The following ART3 variants were observed in gnomAD, a reference collection of about 807,000 sequenced individuals.
ART3 encodes ADP-ribosyltransferase 3 (inactive).
ART3 carries 49 observed loss-of-function variants against 48.5 expected under a neutral mutation model. The ratio of observed to expected loss-of-function variants is 1.01; its 90% CI spans 0.80 to 1.28. The LOEUF (loss-of-function observed/expected upper bound fraction) is 1.28, where lower values mean the gene tolerates loss of function less well. ART3 is among the 50% of genes most tolerant of loss of function. The pLI is 0.00. For missense variants in ART3, 438 were observed against 454.3 expected, an observed-to-expected ratio of 0.96 and a Z score of 0.33; for synonymous variants, 145 against 157.2, an observed-to-expected ratio of 0.92 and a Z score of 0.58.
At chr4:76,081,634 A>G (rs746788417) in intron 2 of ART3, among the ~76,000 whole-genome samples, 190 bp from the exon 3 acceptor site, 8 of 152,196 alleles carry the variant, frequency 5.3e-5, no homozygotes, top group Non-Finnish European at 4.4e-5. Context: ...TTTCACACAA[A>G]TATGGCACAG....
At chr4:76,110,587 A>G (rs932585260) in intron 11 of ART3, among the ~76,000 whole-genome samples, 4 of 152,194 alleles carry the variant, frequency 2.6e-5, no homozygotes, top group African/African-American at 9.7e-5. Context: ...TGCTAAAAAA[A>G]AATGCTAGAG....
At chr4:76,033,502 A>G (rs1023680942) in intron 1 of ART3, among the ~76,000 whole-genome samples, 2 of 152,202 alleles carry the variant, frequency 1.3e-5, no homozygotes, top group African/African-American at 4.8e-5. Flanking sequence ...TCTCCAAGTA[A>G]GAAGGGGGTT....
intron 3 of ART3, among the ~76,000 whole-genome samples, chr4:76,093,869 A>G (rs1256796053): frequency 1.3e-5 from 2 of 152,182 alleles, no homozygotes; most frequent in Non-Finnish European, 2.9e-5. Flanking sequence ...TAGTAATGAC[A>G]TACACTACTG....
intron 3 of ART3, among the ~76,000 whole-genome samples, chr4:76,096,688 G>T (rs370511202): frequency 3.3e-5 from 5 of 152,294 alleles, no homozygotes; most frequent in African/African-American, 1.2e-4. Context: ...AGTCTCAGGG[G>T]AATCACTGCA....
At chr4:76,080,984 A>G (rs1334439510) in intron 2 of ART3, among the ~76,000 whole-genome samples, 1 of 152,186 alleles carries the variant, frequency 6.6e-6, no homozygotes, top group East Asian at 1.9e-4. Flanking sequence ...GTATATGTAT[A>G]ATTTAGTTGT....
chr4:76,039,753 AC>A (rs1734770791), intron 1 of ART3, among the ~76,000 whole-genome samples: 1 of 152,200 alleles, frequency 6.6e-6, no homozygotes, highest in African/African-American at 2.4e-5. Flanking sequence ...TTTTAAAAAG[AC>A]CCTGGAAATT....
chr4:76,087,229 GA>G (rs1368036138), intron 3 of ART3, among the ~76,000 whole-genome samples: 2 of 152,172 alleles, frequency 1.3e-5, no homozygotes, highest in African/African-American at 4.8e-5. Flanking sequence ...GATTGATTCT[GA>G]AAATGCCAGA....
Position 76,098,946 on chromosome 4 carries a change from G to C in ART3, c.815-9G>C, listed in dbSNP as rs772832903. 6.2e-7 allele frequency: 1 copy of C among 1,600,834 alleles called. No individual in the cohort carries two copies. Among genetic ancestry groups the C allele is most frequent in the Non-Finnish European group, 8.6e-7 (1 of 1,168,028 alleles). On this transcript the variant is annotated splice_polypyrimidine_tract_variant and intron_variant, in intron 4 of 11. Transcript: ENST00000355810. ...AGTACCATGTAATGAAAACATGTCT[G>C]TATTTCAGAATATTTTCAACCCATC...
chr4:76,104,768 G>A, intron 10 of ART3, 139 bp downstream of exon 10: 2 of 1,105,244 alleles, frequency 1.8e-6, no homozygotes, highest in South Asian at 1.6e-5. Context: ...GTACATGACA[G>A]GAATATTTGT....
chr4:76,045,224 G>A lies in ART3; in HGVS notation c.-9-30657G>A, dbSNP rs539906271. On this transcript the variant is annotated intron_variant, in intron 1 of 9. Transcript: ENST00000341029. ...AAGGGGACTTCTAAGAGATCATCTC[G>A]GGCGGCATAAGTCTGGACTATAATT... Among the ~76,000 whole-genome samples the A allele has an allele frequency of 6.2e-3, 945 of 152,064 alleles. 15 individuals carry two copies. The highest frequency in any genetic ancestry group is 0.01 in the Middle Eastern group (3 of 294).
intron 1 of ART3, chr4:76,035,200 C>T (rs777235812): frequency 2.5e-6 from 4 of 1,614,040 alleles, no homozygotes; most frequent in African/African-American, 1.3e-5. Flanking sequence ...TCATCTTCAG[C>T]AAGTTCATTA....
At chr4:76,085,936 G>C (rs188863333) in intron 3 of ART3, among the ~76,000 whole-genome samples, 1 of 152,078 alleles carries the variant, frequency 6.6e-6, no homozygotes, top group Non-Finnish European at 1.5e-5. Context: ...GCCAGGCGTG[G>C]TGCCACGTGC....
In ART3 at chr4:76,112,386, C is replaced by T; in HGVS notation, c.1037C>T (p.Thr346Ile). ...DKSQGNINNP[T>I]PGPVPVPGPK... ...AGTGACTGTGTATTCTTGTTAACAG[C>T]TCCAGGTCCAGTTCCTGTTCCAGGT... Residue 346 changes from threonine to isoleucine, a missense_variant and splice_region_variant, in exon 12 of 12, where the codon ACT becomes ATT. Coordinates refer to ENST00000355810, the MANE Select transcript of ART3 (RefSeq NM_001130016.3). 6.2e-7 allele frequency: 1 copy of T among 1,613,124 alleles called. No homozygotes were observed. Among genetic ancestry groups the T allele is most frequent in the South Asian group, 1.1e-5 (1 of 90,860 alleles).
intron 1 of ART3, among the ~76,000 whole-genome samples, chr4:76,046,045 G>A (rs531041154): frequency 6.6e-6 from 1 of 152,076 alleles, no homozygotes; most frequent in African/African-American, 2.4e-5. Context: ...GCTGGCACGA[G>A]GCTTCCAAAC....
chr4:76,050,789 T>C (rs973250768), intron 1 of ART3, among the ~76,000 whole-genome samples: 7 of 152,182 alleles, frequency 4.6e-5, no homozygotes, highest in African/African-American at 1.4e-4. Flanking sequence ...CTGCAGGTCC[T>C]GAGCCCTGCC....
intron 1 of ART3, chr4:76,022,794 G>T (rs11548618): frequency 2.5e-6 from 4 of 1,611,540 alleles, no homozygotes; most frequent in Non-Finnish European, 3.4e-6. Context: ...CAGGTACAGC[G>T]TACAGTTCTA....
intron 1 of ART3, chr4:76,036,898 C>T: frequency 4.7e-6 from 1 of 214,328 alleles, no homozygotes; most frequent in Admixed American, 4.8e-5. Flanking sequence ...TAACTCCATG[C>T]CACGCCACTC....
At chr4:76,036,053 G>T in intron 1 of ART3, 1 of 1,468,404 alleles carries the variant, frequency 6.8e-7, no homozygotes, top group Non-Finnish European at 9.5e-7. Flanking sequence ...CTTCTTGGAA[G>T]GAGTAGAAAT....
intron 2 of ART3, 25 bp from the exon 3 acceptor site, chr4:76,081,799 G>A (rs4267761): frequency 0.087 from 136,535 of 1,577,668 alleles, 6,964 homozygotes; most frequent in Admixed American, 0.17. Flanking sequence ...TATTTCAAGA[G>A]TATTAATTTC....
Sources: gnomAD v4.1 joint callset for allele counts (sites outside exome capture counted in the v4.1 genomes callset) on GRCh38, gnomAD v4.1.1 for gene constraint, MANE v1.5 for transcripts, NCBI Gene and HGNC (gene_info 2026-07-23, HGNC 2026-07-21) for gene names.